CDH8: variants seen among roughly 807,000 people sequenced by gnomAD.
CDH8 encodes cadherin-8.
A neutral mutation model predicts 68.1 loss-of-function variants in CDH8; 17 were observed. The observed-to-expected ratio is 0.25, with a 90% CI of 0.17 to 0.37. The LOEUF (loss-of-function observed/expected upper bound fraction) is 0.37, where lower values mean the gene tolerates loss of function less well. Ranked by LOEUF, CDH8 falls within the 10% of genes least tolerant of loss-of-function variation. The pLI is 1.00. For synonymous variants in CDH8, 372 were observed against 365.1 expected, an observed-to-expected ratio of 1.02 and a Z score of -0.21; for missense variants, 763 against 999.3, an observed-to-expected ratio of 0.76 and a Z score of 3.19.
At chr16:61,778,824 C>T (rs1960965070) in intron 8 of CDH8, among the ~76,000 whole-genome samples, 1 of 152,122 alleles carries the variant, frequency 6.6e-6, no homozygotes, top group South Asian at 2.1e-4. Context: ...CAAGATTCCT[C>T]TAAACAATGA....
chr16:61,842,834 C>T (rs754593459), intron 4 of CDH8, among the ~76,000 whole-genome samples: 9 of 152,080 alleles, frequency 5.9e-5, no homozygotes, highest in Non-Finnish European at 1.2e-4. Flanking sequence ...TGCTTATTTT[C>T]GCTCTTACAT....
chr16:61,869,074 A>G (rs1963309178), intron 3 of CDH8, among the ~76,000 whole-genome samples: 2 of 152,206 alleles, frequency 1.3e-5, no homozygotes, highest in African/African-American at 4.8e-5. Context: ...AGAAAATTGA[A>G]TAGATGCTGT....
At chr16:61,718,597 C>T (rs760018487) in intron 9 of CDH8, among the ~76,000 whole-genome samples, 9 of 151,308 alleles carry the variant, frequency 5.9e-5, no homozygotes, top group South Asian at 2.1e-4. Flanking sequence ...CTATTATTAT[C>T]TCCACTTTAT....
chr16:61,809,293 C>T (rs971975752), intron 7 of CDH8, among the ~76,000 whole-genome samples: 22 of 152,154 alleles, frequency 1.4e-4, no homozygotes, highest in African/African-American at 4.6e-4. Context: ...TATTTACTAA[C>T]GTCATGGGGT....
At chr16:62,032,508 A>G (rs1902351899) in intron 1 of CDH8, among the ~76,000 whole-genome samples, 1 of 152,194 alleles carries the variant, frequency 6.6e-6, no homozygotes, top group African/African-American at 2.4e-5. Flanking sequence ...ATAGCGCTGA[A>G]AACAAAAAGA....
intron 3 of CDH8, among the ~76,000 whole-genome samples, chr16:61,862,444 T>A (rs1378444369): frequency 6.6e-6 from 1 of 152,154 alleles, no homozygotes; most frequent in African/African-American, 2.4e-5. Flanking sequence ...GCAACAGAGC[T>A]AAGACAAGCT....
intron 3 of CDH8, among the ~76,000 whole-genome samples, chr16:61,896,392 A>G (rs186137178): frequency 4.2e-4 from 64 of 152,354 alleles, no homozygotes; most frequent in Non-Finnish European, 7.3e-4. Context: ...AAATTTCTCA[A>G]TTAGAATTGT....
At chr16:61,778,021 C>T (rs764944309) in intron 8 of CDH8, among the ~76,000 whole-genome samples, 13 of 152,118 alleles carry the variant, frequency 8.5e-5, no homozygotes, top group Non-Finnish European at 1.8e-4. Context: ...TAGATAGGAA[C>T]TTGCCACATG....
chr16:61,757,880 T>C (rs1344152034), intron 8 of CDH8, among the ~76,000 whole-genome samples: 2 of 152,116 alleles, frequency 1.3e-5, no homozygotes, highest in Non-Finnish European at 2.9e-5. Context: ...GCAAAATAAA[T>C]GGTGATGTTT....
At chr16:61,922,677 G>A (rs540894655) in intron 2 of CDH8, among the ~76,000 whole-genome samples, 52 of 152,222 alleles carry the variant, frequency 3.4e-4, no homozygotes, top group South Asian at 2.5e-3. Flanking sequence ...GTCCTATGTT[G>A]AGGCAATTTT....
At chr16:61,965,790 G>C (rs1965239022) in intron 2 of CDH8, among the ~76,000 whole-genome samples, 1 of 152,114 alleles carries the variant, frequency 6.6e-6, no homozygotes, top group Non-Finnish European at 1.5e-5. Flanking sequence ...TTCTAACTAG[G>C]TCTACTCATT....
chr16:61,826,985 T>G (rs553596622), intron 4 of CDH8, among the ~76,000 whole-genome samples: 1 of 151,984 alleles, frequency 6.6e-6, no homozygotes, highest in South Asian at 2.1e-4. Flanking sequence ...CATACCTATA[T>G]AGTTAGAAAT....
chr16:61,776,696 T>G (rs1366249830), intron 8 of CDH8, among the ~76,000 whole-genome samples: 1 of 152,142 alleles, frequency 6.6e-6, no homozygotes, highest in South Asian at 2.1e-4. Flanking sequence ...ACAATAATGA[T>G]AGAATTGAGT....
intron 10 of CDH8, among the ~76,000 whole-genome samples, chr16:61,704,430 C>T (rs767206339): frequency 6.6e-5 from 10 of 152,018 alleles, no homozygotes; most frequent in Non-Finnish European, 1.5e-4. Flanking sequence ...GAAAGAAAAG[C>T]TACAATGTTT....
intron 3 of CDH8, among the ~76,000 whole-genome samples, chr16:61,871,527 G>A (rs1963363122): frequency 6.6e-6 from 1 of 151,862 alleles, no homozygotes; most frequent in Non-Finnish European, 1.5e-5. Flanking sequence ...AGATTCTGAT[G>A]TAACAAATAA....
intron 8 of CDH8, among the ~76,000 whole-genome samples, chr16:61,732,442 G>A (rs1228179864): frequency 6.6e-6 from 1 of 151,804 alleles, no homozygotes; most frequent in Non-Finnish European, 1.5e-5. Flanking sequence ...TGAAATAAAG[G>A]AAGTGAGAAA....
intron 10 of CDH8, among the ~76,000 whole-genome samples, chr16:61,704,000 T>G (rs1274442502): frequency 6.6e-6 from 1 of 152,148 alleles, no homozygotes. Context: ...AAAAACCATC[T>G]CATTAATTTC....
At chr16:61,923,292 C>T (rs1010634995) in intron 2 of CDH8, among the ~76,000 whole-genome samples, 2 of 152,084 alleles carry the variant, frequency 1.3e-5, no homozygotes, top group African/African-American at 2.4e-5. Flanking sequence ...ATTCCACCGT[C>T]GGTCAGACAC....
chr16:61,783,523 A>T (rs1961142975), intron 8 of CDH8, among the ~76,000 whole-genome samples: 1 of 151,886 alleles, frequency 6.6e-6, no homozygotes, highest in African/African-American at 2.4e-5. Flanking sequence ...GCAGGATATT[A>T]TCCAGGAGAA....
Sources: gnomAD v4.1 joint callset for allele counts (sites outside exome capture counted in the v4.1 genomes callset) on GRCh38, gnomAD v4.1.1 for gene constraint, MANE v1.5 for transcripts, NCBI Gene and HGNC (gene_info 2026-07-23, HGNC 2026-07-21) for gene names.